The following KCNAB1 variants were observed in gnomAD, a reference collection of about 807,000 sequenced individuals.
KCNAB1 encodes potassium voltage-gated channel subfamily A regulatory beta subunit 1.
KCNAB1 carries 35 observed loss-of-function variants against 64.6 expected under a neutral mutation model. The observed-to-expected ratio is 0.54, with a 90% confidence interval of 0.41 to 0.72. KCNAB1 has a LOEUF of 0.72. Among genes scored for constraint, KCNAB1 ranks in the 30% least tolerant of loss-of-function variants. KCNAB1 has a pLI of 0.00. For missense variants in KCNAB1, 401 were observed against 512.9 expected (o/e 0.78, Z 2.11); for synonymous variants, 177 against 183.8 (o/e 0.96, Z 0.30).
intron 1 of KCNAB1, among the ~76,000 whole-genome samples, chr3:156,192,132 T>G (rs1713599647): frequency 6.6e-6 from 1 of 152,210 alleles, no homozygotes; most frequent in Non-Finnish European, 1.5e-5. Flanking sequence ...CTTTTTTTGG[T>G]CTGGCTTCTT....
chr3:156,496,653 A>T (rs911788109), intron 8 of KCNAB1, among the ~76,000 whole-genome samples: 1 of 152,206 alleles, frequency 6.6e-6, no homozygotes, highest in African/African-American at 2.4e-5. Context: ...ATCTAATACT[A>T]CTTGTTTTTG....
At chr3:156,124,948 G>T (rs1440055267) in intron 1 of KCNAB1, among the ~76,000 whole-genome samples, 2 of 152,036 alleles carry the variant, frequency 1.3e-5, no homozygotes, top group Non-Finnish European at 2.9e-5. Context: ...GACCAGCCTG[G>T]CCAACATGGT....
chr3:156,288,695 C>G (rs1332733089), intron 1 of KCNAB1, among the ~76,000 whole-genome samples: 1 of 152,204 alleles, frequency 6.6e-6, no homozygotes, highest in Non-Finnish European at 1.5e-5. Context: ...CAGAAAGAGA[C>G]TAGCACTGTG....
intron 1 of KCNAB1, among the ~76,000 whole-genome samples, chr3:156,400,253 T>C (rs1713792807): frequency 3.9e-5 from 6 of 152,238 alleles, no homozygotes; most frequent in Admixed American, 1.3e-4. Flanking sequence ...ATTTGCTAAG[T>C]GCACAGGCAA....
chr3:156,178,011 C>T (rs896744882), intron 1 of KCNAB1, among the ~76,000 whole-genome samples: 10 of 152,212 alleles, frequency 6.6e-5, no homozygotes, highest in Admixed American at 6.5e-4. Context: ...GCTGGGATTA[C>T]AGGTGTGAGC....
chr3:156,121,568 A>G (rs1408401626), intron 1 of KCNAB1, among the ~76,000 whole-genome samples: 1 of 152,236 alleles, frequency 6.6e-6, no homozygotes, highest in Non-Finnish European at 1.5e-5. Flanking sequence ...GGCAAAACGT[A>G]CTGAGTAAAA....
chr3:156,399,251 T>G (rs1043123834), intron 1 of KCNAB1, among the ~76,000 whole-genome samples: 1 of 152,210 alleles, frequency 6.6e-6, no homozygotes, highest in African/African-American at 2.4e-5. Flanking sequence ...TTAGGTGTGC[T>G]GTATGGAAAG....
intron 2 of KCNAB1, chr3:156,441,044 C>T (rs940942305): frequency 6.6e-6 from 1 of 152,114 alleles, no homozygotes; most frequent in Non-Finnish European, 1.5e-5. Flanking sequence ...CTCTAAATAT[C>T]ATGAAGTTCA....
At chr3:156,453,013 G>A (rs1712119889) in intron 3 of KCNAB1, 77 bp downstream of exon 3, 1 of 905,334 alleles carries the variant, frequency 1.1e-6, no homozygotes, top group East Asian at 2.5e-5. Flanking sequence ...CCTCTTCCTG[G>A]GACCCTGACA....
chr3:156,335,779 TTAGA>T (rs917033244), intron 1 of KCNAB1, among the ~76,000 whole-genome samples: 2 of 151,950 alleles, frequency 1.3e-5, no homozygotes, highest in Non-Finnish European at 2.9e-5. Flanking sequence ...AATATTGTGC[TTAGA>T]TAGAAAGAAC....
chr3:156,266,552 G>T (rs191074716), intron 1 of KCNAB1, among the ~76,000 whole-genome samples: 1 of 152,282 alleles, frequency 6.6e-6, no homozygotes, highest in Admixed American at 6.5e-5. Context: ...ATGGACTAAA[G>T]CTTCTCTTTT....
intron 1 of KCNAB1, among the ~76,000 whole-genome samples, chr3:156,296,752 C>T (rs1576690653): frequency 6.6e-6 from 1 of 152,082 alleles, no homozygotes; most frequent in Non-Finnish European, 1.5e-5. Flanking sequence ...GAATTACAGG[C>T]GTGAGCCACC....
intron 1 of KCNAB1, among the ~76,000 whole-genome samples, chr3:156,272,896 C>G (rs1719117519): frequency 6.6e-6 from 1 of 152,024 alleles, no homozygotes; most frequent in South Asian, 2.1e-4. Context: ...GCTGATTATT[C>G]AGGGTTCAAG....
chr3:156,354,167 T>TA (rs1450147967), intron 1 of KCNAB1, among the ~76,000 whole-genome samples: 7 of 146,792 alleles, frequency 4.8e-5, no homozygotes, highest in Non-Finnish European at 1.0e-4. Flanking sequence ...TATGTATATA[T>TA]TTTTTTTTGG....
rs144465003 is a variant in KCNAB1 at position 156,427,244 on chromosome 3, G to T, written c.319+5585G>T. Among the ~76,000 whole-genome samples, 21 of 152,300 alleles carry T rather than the reference G, an allele frequency of 1.4e-4. No individual in the cohort carries two copies. The East Asian group carries it at 4.0e-3, about 29-fold the overall frequency. On this transcript the variant is annotated intron_variant, in intron 2 of 13. Transcript: ENST00000490337. ...ACTGTTGGGGAGTGGTGACCAAAGA[G>T]CTTGTGACCTCCCAGCTTCAGATAT...
chr3:156,476,582 T>TACACACACACACAC, intron 8 of KCNAB1, among the ~76,000 whole-genome samples: 1 of 145,072 alleles, frequency 6.9e-6, no homozygotes, highest in African/African-American at 2.7e-5. Flanking sequence ...CACACACATA[T>TACACACACACACAC]ATACACACAC....
chr3:156,198,574 G>A (rs953132564), intron 1 of KCNAB1, among the ~76,000 whole-genome samples: 2 of 147,324 alleles, frequency 1.4e-5, no homozygotes, highest in African/African-American at 5.0e-5. Flanking sequence ...ATCTTTGCTG[G>A]TTCAAAATCT....
chr3:156,340,700 A>C (rs913175243), intron 1 of KCNAB1, among the ~76,000 whole-genome samples: 5 of 152,196 alleles, frequency 3.3e-5, no homozygotes, highest in South Asian at 2.1e-4. Context: ...TTGCAGGCAG[A>C]ATCACCACCT....
At chr3:156,460,076 A>G in intron 5 of KCNAB1, 3 of 504,698 alleles carry the variant, frequency 5.9e-6, no homozygotes, top group South Asian at 3.1e-5. Context: ...ATTGATCACA[A>G]TGAATTACCA....
Sources: gnomAD v4.1 joint callset for allele counts (sites outside exome capture counted in the v4.1 genomes callset) on GRCh38, gnomAD v4.1.1 for gene constraint, MANE v1.5 for transcripts, NCBI Gene and HGNC (gene_info 2026-07-23, HGNC 2026-07-21) for gene names.